Variants in STMND1 observed in about 807,000 individuals in gnomAD.
The protein encoded by STMND1 is stathmin domain containing 1, also known as stathmin domain-containing protein 1.
STMND1 carries 17 observed loss-of-function variants against 23.0 expected under a neutral mutation model. That is an observed-to-expected ratio of 0.74 (90% CI 0.51 to 1.11). STMND1 has a LOEUF of 1.11. Ranked by LOEUF, STMND1 falls within the 50% of genes least tolerant of loss-of-function variation. STMND1 has a pLI of 0.00. For missense variants in STMND1, 305 were observed against 329.1 expected (o/e 0.93, Z 0.57); for synonymous variants, 114 against 119.9 (o/e 0.95, Z 0.32).
Position 17,115,145 on chromosome 6 carries a change from C to T in STMND1, c.259+6C>T, listed in dbSNP as rs974312537. On this transcript the variant is annotated splice_donor_region_variant and intron_variant, in intron 2 of 4. Coordinates refer to ENST00000536551, the MANE Select transcript of STMND1 (RefSeq NM_001190766.2). ...AAACAGACGAGTAAATTCAGGTAACCTCCCTCTGCCCCCATTCACGTAGAT... is the reference window on the plus strand; with the variant it reads ...AAACAGACGAGTAAATTCAGGTAACTTCCCTCTGCCCCCATTCACGTAGAT... The T allele has an allele frequency of 3.5e-5, 53 of 1,532,730 alleles. No homozygotes were observed. Among genetic ancestry groups the T allele is most frequent in the Non-Finnish European group, 4.6e-5 (53 of 1,145,648 alleles). 94.9% of individuals were successfully genotyped at this position (1,532,730 alleles called of 1,614,324 possible).
intron 3 of STMND1, among the ~76,000 whole-genome samples, chr6:17,125,552 G>A (rs1018014423): frequency 1.3e-5 from 2 of 152,122 alleles, no homozygotes; most frequent in African/African-American, 4.8e-5. Flanking sequence ...AAGTGTACTT[G>A]GAGAGTTTGT....
chr6:17,106,386 A>G (rs1383565101), intron 1 of STMND1, among the ~76,000 whole-genome samples: 1 of 152,152 alleles, frequency 6.6e-6, no homozygotes, highest in Non-Finnish European at 1.5e-5. Context: ...AATTCTTACT[A>G]CACTGCCTGA....
At chr6:17,121,619 A>C (rs988744591) in intron 3 of STMND1, among the ~76,000 whole-genome samples, 2 of 152,216 alleles carry the variant, frequency 1.3e-5, no homozygotes, top group African/African-American at 4.8e-5. Context: ...ATTAAAAATA[A>C]AGTAAAACTT....
chr6:17,103,738 AT>A (rs1374549127), intron 1 of STMND1, among the ~76,000 whole-genome samples: 3 of 151,692 alleles, frequency 2.0e-5, no homozygotes, highest in Non-Finnish European at 4.4e-5. Context: ...CGCCCAGCTA[AT>A]TTTTGTATTT....
intron 1 of STMND1, among the ~76,000 whole-genome samples, chr6:17,106,710 G>A (rs1431727786): frequency 6.6e-6 from 1 of 152,208 alleles, no homozygotes; most frequent in East Asian, 1.9e-4. Context: ...CAGTAGTTCA[G>A]CAGGATCTTT....
At chr6:17,115,788 AG>A (rs1239152157) in intron 2 of STMND1, among the ~76,000 whole-genome samples, 2 of 152,148 alleles carry the variant, frequency 1.3e-5, no homozygotes. Context: ...TTTTTATTTC[AG>A]GGGGGAAGAC....
chr6:17,130,602 A>G lies in STMND1; in HGVS notation c.552A>G (p.Glu184=). The G allele has an allele frequency of 6.6e-7, 1 of 1,510,358 alleles. No homozygotes were observed. Among genetic ancestry groups the G allele is most frequent in the Non-Finnish European group, 8.8e-7 (1 of 1,136,460 alleles). 93.6% of individuals were successfully genotyped at this position (1,510,358 alleles called of 1,614,324 possible). Residue 184 remains glutamate, a synonymous_variant, in exon 5 of 5, where the codon GAA becomes GAG. Transcript: ENST00000536551. The part of the protein sequence containing the change: ...EAAEERRKTK[E]EEIRKRLRSD... ...TTAATACTGCATTTCAGACTAAAGAAGAAGAAATAAGAAAAAGGCTACGGA... is the reference window on the plus strand; with the variant it reads ...TTAATACTGCATTTCAGACTAAAGAGGAAGAAATAAGAAAAAGGCTACGGA...
intron 1 of STMND1, among the ~76,000 whole-genome samples, chr6:17,104,750 A>G (rs1305197796): frequency 6.6e-6 from 1 of 152,204 alleles, no homozygotes; most frequent in Admixed American, 6.5e-5. Flanking sequence ...TCACCAACCC[A>G]TTAGGTAGGA....
In STMND1 at chr6:17,129,204, C is replaced by T. The variant is rs1177901551; in HGVS notation, c.504C>T (p.Asp168=). Residue 168 remains aspartate (D), a synonymous_variant, in exon 4 of 5, where the codon GAC becomes GAT. Transcript: ENST00000536551. Reference sequence around the variant, plus strand: ...AAGTGAAGGATTTCACAATGAAGGACATCGAGGAGAAGATGGAGGCTGCCG... The same window carrying T: ...AAGTGAAGGATTTCACAATGAAGGATATCGAGGAGAAGATGGAGGCTGCCG... ...KKQVKDFTMK[D]IEEKMEAAEE... 1 of 1,535,938 alleles carries T rather than the reference C, an allele frequency of 6.5e-7. No homozygotes were observed. Among genetic ancestry groups the T allele is most frequent in the Non-Finnish European group, 8.7e-7 (1 of 1,146,846 alleles).
chr6:17,113,621 T>A (rs1409114558), intron 1 of STMND1, among the ~76,000 whole-genome samples: 1 of 151,010 alleles, frequency 6.6e-6, no homozygotes, highest in Non-Finnish European at 1.5e-5. Context: ...TTTTTTACAA[T>A]AAGTCTGCAT....
At chr6:17,122,415 C>G (rs556752956) in intron 3 of STMND1, among the ~76,000 whole-genome samples, 1 of 151,896 alleles carries the variant, frequency 6.6e-6, no homozygotes, top group South Asian at 2.1e-4. Context: ...AAATAGAGAC[C>G]AGAAATTACC....
chr6:17,109,997 C>T (rs369273366), intron 1 of STMND1, among the ~76,000 whole-genome samples: 45 of 152,274 alleles, frequency 3.0e-4, no homozygotes, highest in East Asian at 1.4e-3. Flanking sequence ...CACTGTCTAC[C>T]CCAATCTGTT....
chr6:17,130,404 G>C (rs1245719486), intron 4 of STMND1, among the ~76,000 whole-genome samples, 190 bp from the exon 5 acceptor site: 1 of 152,140 alleles, frequency 6.6e-6, no homozygotes, highest in Non-Finnish European at 1.5e-5. Flanking sequence ...CAGAGAGCAA[G>C]GACCAGACTC....
intron 3 of STMND1, among the ~76,000 whole-genome samples, chr6:17,122,276 G>A (rs1447876469): frequency 6.6e-6 from 1 of 151,590 alleles, no homozygotes; most frequent in Non-Finnish European, 1.5e-5. Context: ...TTAAGCCAAT[G>A]CTCCCAAGCA....
chr6:17,119,879 C>T (rs535944916), intron 2 of STMND1, among the ~76,000 whole-genome samples: 103 of 152,150 alleles, frequency 6.8e-4, no homozygotes, highest in African/African-American at 2.0e-3. Context: ...AACAGGCCAG[C>T]GCCGTTTATT....
At chr6:17,109,681 A>T (rs1297932001) in intron 1 of STMND1, among the ~76,000 whole-genome samples, 1 of 152,156 alleles carries the variant, frequency 6.6e-6, no homozygotes, top group Admixed American at 6.5e-5. Context: ...TGCTTCTCAC[A>T]GTACACTTTC....
At chr6:17,113,544 T>C (rs536084151) in intron 1 of STMND1, among the ~76,000 whole-genome samples, 30 of 152,348 alleles carry the variant, frequency 2.0e-4, no homozygotes, top group African/African-American at 6.0e-4. Flanking sequence ...AATAACTGGC[T>C]ACTATAGCCT....
chr6:17,114,474 C>A (rs1019489736), intron 1 of STMND1, among the ~76,000 whole-genome samples: 7 of 152,192 alleles, frequency 4.6e-5, no homozygotes, highest in African/African-American at 1.7e-4. Flanking sequence ...CCATGTTGGG[C>A]AGGCTGGTCT....
chr6:17,102,186 G>A lies in STMND1; in HGVS notation c.-72G>A, dbSNP rs948352804. On this transcript the variant is annotated 5_prime_UTR_variant, in exon 1 of 5. Transcript: ENST00000536551. ...GCAGGAGCGCGGGACCACCGGCGCCGGAGCGCGGCAGGGAGCGCTCGCGGG... is the reference window on the plus strand; with the variant it reads ...GCAGGAGCGCGGGACCACCGGCGCCAGAGCGCGGCAGGGAGCGCTCGCGGG... 31 of 1,409,154 alleles carry A rather than the reference G, an allele frequency of 2.2e-5. No homozygotes were observed. Among genetic ancestry groups the A allele is most frequent in the African/African-American group, 3.0e-5 (2 of 66,140 alleles). The allele number at this position is 1,409,154 out of a possible 1,614,324, so 87.3% of individuals were successfully genotyped here. A position where few individuals can be genotyped will look rare whatever the true frequency, so the allele number is the denominator to read the frequency against.
Sources: gnomAD v4.1 joint callset for allele counts (sites outside exome capture counted in the v4.1 genomes callset) on GRCh38, gnomAD v4.1.1 for gene constraint, MANE v1.5 for transcripts, NCBI Gene and HGNC (gene_info 2026-07-23, HGNC 2026-07-21) for gene names.